Variants in TEAD1 observed in about 807,000 individuals in gnomAD.
The protein encoded by TEAD1 is TEA domain transcription factor 1.
A neutral mutation model predicts 54.9 loss-of-function variants in TEAD1; 9 were observed. The ratio of observed to expected loss-of-function variants is 0.16; its 90% confidence interval spans 0.10 to 0.29. The LOEUF is 0.29. TEAD1 is among the 10% of genes least tolerant of loss of function. TEAD1 has a pLI of 1.00. For missense variants in TEAD1, 387 were observed against 535.9 expected, an observed-to-expected ratio of 0.72 and a Z score of 2.74; for synonymous variants, 200 against 187.8, an observed-to-expected ratio of 1.07 and a Z score of -0.53.
At chr11:12,936,837 A>G (rs1949109932) in intron 12 of TEAD1, among the ~76,000 whole-genome samples, 1 of 152,210 alleles carries the variant, frequency 6.6e-6, no homozygotes, top group Non-Finnish European at 1.5e-5. Context: ...AAACAAAAAC[A>G]CAAATGTGCT....
At chr11:12,680,565 C>T (rs1049138928) in intron 2 of TEAD1, among the ~76,000 whole-genome samples, 1 of 152,232 alleles carries the variant, frequency 6.6e-6, no homozygotes, top group East Asian at 1.9e-4. Flanking sequence ...TCGCCCTCCC[C>T]CACTGGGCAG....
chr11:12,746,494 A>C (rs1944747052), intron 2 of TEAD1, among the ~76,000 whole-genome samples: 1 of 152,230 alleles, frequency 6.6e-6, no homozygotes. Context: ...GCATATTTAG[A>C]GTTAAGTATA....
At chr11:12,736,132 G>A (rs540123284) in intron 2 of TEAD1, among the ~76,000 whole-genome samples, 1 of 152,318 alleles carries the variant, frequency 6.6e-6, no homozygotes, top group African/African-American at 2.4e-5. Context: ...ACTCTGGCAA[G>A]TAGTTTGCCT....
At chr11:12,839,595 C>T (rs781348318) in intron 3 of TEAD1, among the ~76,000 whole-genome samples, 8 of 152,182 alleles carry the variant, frequency 5.3e-5, no homozygotes, top group East Asian at 1.9e-4. Context: ...AAGCTCCTGC[C>T]GTGTAGTAGT....
intron 3 of TEAD1, among the ~76,000 whole-genome samples, chr11:12,768,741 A>G (rs1250955690): frequency 2.0e-5 from 3 of 152,178 alleles, no homozygotes; most frequent in African/African-American, 7.2e-5. Flanking sequence ...GGGATACTGT[A>G]GTGAACCAGA....
intron 5 of TEAD1, among the ~76,000 whole-genome samples, chr11:12,878,377 G>T (rs1947899136): frequency 6.6e-6 from 1 of 152,036 alleles, no homozygotes; most frequent in Admixed American, 6.6e-5. Flanking sequence ...GCTGGTACTT[G>T]GTGTCTTAGC....
intron 3 of TEAD1, among the ~76,000 whole-genome samples, chr11:12,820,464 C>G (rs753289793): frequency 3.9e-5 from 6 of 151,968 alleles, no homozygotes; most frequent in Non-Finnish European, 8.8e-5. Flanking sequence ...CTCACCCAAA[C>G]CATGATCTCA....
At chr11:12,754,585 A>G (rs551259054) in intron 2 of TEAD1, among the ~76,000 whole-genome samples, 4 of 152,278 alleles carry the variant, frequency 2.6e-5, no homozygotes, top group Non-Finnish European at 4.4e-5. Context: ...TTGGTTCCTT[A>G]GGTTGACAGG....
intron 3 of TEAD1, among the ~76,000 whole-genome samples, chr11:12,848,213 C>T (rs1487895081): frequency 6.6e-6 from 1 of 152,140 alleles, no homozygotes; most frequent in African/African-American, 2.4e-5. Context: ...ATTATTCCAG[C>T]GTGTTTCTCT....
At position 12,748,089 on chromosome 11, in the gene TEAD1, G is replaced by A. The variant is rs529080795; in HGVS notation, c.-54-16090G>A. Among the ~76,000 whole-genome samples the A allele has an allele frequency of 6.6e-4, 100 of 151,966 alleles. 2 individuals carry two copies. The highest frequency in any genetic ancestry group is 4.4e-3 in the South Asian group (21 of 4,808). On this transcript the variant is annotated intron_variant, in intron 2 of 12. Transcript: ENST00000527636. ...TGATTCTCCTGCTTCAGCCTCCCAA[G>A]TAGCTGGGACTACAGGCACCCGTCA...
rs1947906985 is a variant in TEAD1 at position 12,878,754 on chromosome 11, C to T, written c.331-954C>T. The stretch of plus-strand genomic sequence containing the variant: ...CACACCCCTATGCATTTTATTGTTC[C>T]CAAGTATTATATGTTTGTGTACATA... On this transcript the variant is annotated intron_variant, in intron 5 of 12. Transcript: ENST00000527636. 7 of 412,860 alleles carry T rather than the reference C, an allele frequency of 1.7e-5. No homozygotes were observed. The South Asian group carries it at 2.7e-4, about 16-fold the overall frequency. The allele number at this position is 412,860 out of a possible 1,614,324, so 25.6% of individuals were successfully genotyped here.
intron 5 of TEAD1, among the ~76,000 whole-genome samples, chr11:12,877,080 C>T (rs957626380): frequency 3.3e-5 from 5 of 152,138 alleles, no homozygotes; most frequent in African/African-American, 1.2e-4. Flanking sequence ...AGGAAGCTAG[C>T]TTTAGGTTAG....
chr11:12,819,893 T>C (rs1375524122), intron 3 of TEAD1, among the ~76,000 whole-genome samples: 1 of 152,192 alleles, frequency 6.6e-6, no homozygotes, highest in African/African-American at 2.4e-5. Flanking sequence ...CTTGGAGCCT[T>C]TTTCTTTTTC....
intron 11 of TEAD1, among the ~76,000 whole-genome samples, chr11:12,925,304 G>A (rs931507063): frequency 6.6e-6 from 1 of 152,164 alleles, no homozygotes; most frequent in Non-Finnish European, 1.5e-5. Context: ...TTAGAATCAT[G>A]GTGGCTGAAG....
At chr11:12,775,088 G>T (rs1181793539) in intron 3 of TEAD1, among the ~76,000 whole-genome samples, 1 of 152,182 alleles carries the variant, frequency 6.6e-6, no homozygotes, top group African/African-American at 2.4e-5. Context: ...GCCTGTTCAG[G>T]ACTTGTTGGA....
At chr11:12,848,845 GA>G (rs1307845818) in intron 3 of TEAD1, 1 of 151,934 alleles carries the variant, frequency 6.6e-6, no homozygotes, top group Non-Finnish European at 1.5e-5. Flanking sequence ...AGCTACTCAG[GA>G]GACTGAGGTG....
chr11:12,709,357 A>C (rs61034415), intron 2 of TEAD1, among the ~76,000 whole-genome samples: 19,383 of 151,912 alleles, frequency 0.13, 4,107 homozygotes, highest in African/African-American at 0.45. Context: ...AAAAAAAAAA[A>C]ACCAGAATAA....
At chr11:12,817,775 T>A (rs1590180507) in intron 3 of TEAD1, among the ~76,000 whole-genome samples, 1 of 151,890 alleles carries the variant, frequency 6.6e-6, no homozygotes, top group East Asian at 1.9e-4. Context: ...ATGGACAGAG[T>A]GCCAAGAAAG....
chr11:12,871,391 A>G (rs1290448510), intron 5 of TEAD1, among the ~76,000 whole-genome samples: 4 of 152,206 alleles, frequency 2.6e-5, no homozygotes, highest in Non-Finnish European at 4.4e-5. Flanking sequence ...TGTTTCACTT[A>G]CCATTAATTC....
Sources: gnomAD v4.1 joint callset for allele counts (sites outside exome capture counted in the v4.1 genomes callset) on GRCh38, gnomAD v4.1.1 for gene constraint, MANE v1.5 for transcripts, NCBI Gene and HGNC (gene_info 2026-07-23, HGNC 2026-07-21) for gene names.